Variants in PANK1 observed in about 807,000 individuals in gnomAD.
The protein encoded by PANK1 is pantothenate kinase 1.
Under a neutral mutation model 40.1 loss-of-function variants are expected in PANK1, and 18 were observed. The ratio of observed to expected loss-of-function variants is 0.45; its 90% CI spans 0.31 to 0.67. PANK1 has a LOEUF of 0.67. PANK1 is among the 30% of genes least tolerant of loss of function. The pLI is 0.06. For synonymous variants in PANK1, 242 were observed against 237.7 expected, an observed-to-expected ratio of 1.02 and a Z score of -0.17; for missense variants, 457 against 599.6, an observed-to-expected ratio of 0.76 and a Z score of 2.48.
Position 89,618,647 on chromosome 10 carries a change from C to T in PANK1, c.293-6599G>A, listed in dbSNP as rs949605177. Among the ~76,000 whole-genome samples, 44 of 152,142 alleles carry T rather than the reference C, an allele frequency of 2.9e-4. 1 individual carries two copies. Among genetic ancestry groups the T allele is most frequent in the Admixed American group, 1.3e-4 (2 of 15,278 alleles). On this transcript the variant is annotated intron_variant, in intron 1 of 6. Transcript: ENST00000307534. ...CATGGGGTCAGAATGCAACTCTTGG[C>T]CATTTTATACTTGAGCTGGGCAATG...
chr10:89,612,700 T>C (rs1231640202), intron 1 of PANK1, among the ~76,000 whole-genome samples: 1 of 152,228 alleles, frequency 6.6e-6, no homozygotes, highest in Admixed American at 6.5e-5. Flanking sequence ...ACAACTCGCA[T>C]TATATCTAAT....
chr10:89,616,120 C>T (rs1845307483), intron 1 of PANK1, among the ~76,000 whole-genome samples: 1 of 152,160 alleles, frequency 6.6e-6, no homozygotes, highest in Non-Finnish European at 1.5e-5. Context: ...CAACGTACAG[C>T]AGGAAACCAG....
At chr10:89,632,297 C>G (rs1841676214) in intron 1 of PANK1, among the ~76,000 whole-genome samples, 1 of 152,090 alleles carries the variant, frequency 6.6e-6, no homozygotes, top group Non-Finnish European at 1.5e-5. Context: ...TTTTGCCACA[C>G]AGATCCTGCT....
intron 1 of PANK1, among the ~76,000 whole-genome samples, chr10:89,629,757 A>G (rs1262602211): frequency 6.6e-6 from 1 of 152,200 alleles, no homozygotes; most frequent in African/African-American, 2.4e-5. Context: ...TGGATTACAC[A>G]ATTTGAAGAA....
intron 2 of PANK1, among the ~76,000 whole-genome samples, chr10:89,609,179 C>T (rs1845076085): frequency 1.3e-5 from 2 of 152,324 alleles, no homozygotes; most frequent in African/African-American, 4.8e-5. Context: ...GTTCTCGTGC[C>T]TCAGCCTCCT....
Position 89,644,607 on chromosome 10 carries a change from G to A in PANK1, c.285C>T (p.Asn95=), listed in dbSNP as rs758152377. The A allele has an allele frequency of 6.3e-7, 1 of 1,589,964 alleles. No individual in the cohort carries two copies. The highest frequency in any genetic ancestry group is 8.5e-7 in the Non-Finnish European group (1 of 1,173,078). ...CCTCCCAGCGGGACTTACGCGGCCT[G>A]TTCTTTCTCCCCGAGTCCATCCTCC... The part of the protein sequence containing the change: ...LRRRMDSGRK[N]RPPFPWFGMD... Residue 95 remains asparagine, a synonymous_variant, in exon 1 of 7, where the codon AAC becomes AAT. Coordinates refer to ENST00000307534, the MANE Select transcript of PANK1 (RefSeq NM_148977.3).
chr10:89,600,281 T>A (rs1844736153), intron 2 of PANK1, among the ~76,000 whole-genome samples: 2 of 152,282 alleles, frequency 1.3e-5, no homozygotes, highest in South Asian at 4.2e-4. Context: ...AATGCTATAC[T>A]TCCTTGGTAG....
intron 1 of PANK1, 104 bp from the exon 2 acceptor site, chr10:89,612,152 T>A: frequency 1.1e-6 from 1 of 900,972 alleles, no homozygotes; most frequent in Admixed American, 2.7e-5. Flanking sequence ...TATCTACATG[T>A]GCATTTAACA....
In PANK1 at chr10:89,599,742, A is replaced by G. The variant is rs542528038; in HGVS notation, c.646-237T>C. 3.3e-5 allele frequency among the ~76,000 whole-genome samples: 5 copies of G among 152,324 alleles called. No individual in the cohort carries two copies. In the East Asian group the frequency reaches 9.6e-4, roughly 29 times the overall value. ...ACAAGAGCTTGCCTGATTGTTTGAA[A>G]TGCACCCATCAGCGTGTGTTGTGGG... is the stretch of plus-strand genomic sequence containing the variant. On this transcript the variant is annotated intron_variant, in intron 2 of 6. Transcript: ENST00000307534.
intron 1 of PANK1, among the ~76,000 whole-genome samples, chr10:89,627,755 G>T (rs1246682329): frequency 6.6e-6 from 1 of 152,176 alleles, no homozygotes; most frequent in Admixed American, 6.5e-5. Context: ...GTAGCTCTAT[G>T]TAGGGCACCC....
At chr10:89,631,577 T>C (rs1458182298) in intron 1 of PANK1, among the ~76,000 whole-genome samples, 1 of 152,216 alleles carries the variant, frequency 6.6e-6, no homozygotes, top group Non-Finnish European at 1.5e-5. Flanking sequence ...GGGGTGGAAT[T>C]CTTTTAATAC....
At chr10:89,591,319 ACTTCCTTGTGTATC>A (rs1480884940) in intron 5 of PANK1, among the ~76,000 whole-genome samples, 4 of 152,208 alleles carry the variant, frequency 2.6e-5, no homozygotes, top group Non-Finnish European at 5.9e-5. Flanking sequence ...ATGGTGACTC[ACTTCCTTGTGTATC>A]CTTCTAATGT....
intron 2 of PANK1, among the ~76,000 whole-genome samples, chr10:89,603,170 A>G (rs544336738): frequency 6.6e-6 from 1 of 152,324 alleles, no homozygotes; most frequent in South Asian, 2.1e-4. Flanking sequence ...TGAAACTAAA[A>G]GCCCTAGTTT....
Position 89,596,670 on chromosome 10 carries a change from A to G in PANK1, c.899+2582T>C, listed in dbSNP as rs114157305. Among the ~76,000 whole-genome samples, 434 of 152,366 alleles carry G rather than the reference A, an allele frequency of 2.8e-3. 3 individuals carry two copies. Among genetic ancestry groups the G allele is most frequent in the South Asian group, 0.012 (58 of 4,822 alleles). On this transcript the variant is annotated intron_variant, in intron 3 of 6. Coordinates refer to ENST00000307534, the MANE Select transcript of PANK1 (RefSeq NM_148977.3). ...GGCATACAGTAAAAACTCTCAGTAT[A>G]TCAGAGAGAAAAACAATGCAAGAAA...
downstream of PANK1, chr10:89,582,952 A>G (rs1282559775): frequency 6.6e-6 from 1 of 152,226 alleles, no homozygotes; most frequent in Non-Finnish European, 1.5e-5. Flanking sequence ...TAAACATGAG[A>G]ATTAAGAAAT....
rs1196511231 is a variant in PANK1 at position 89,644,943 on chromosome 10, G to A, written c.-52C>T. The A allele has an allele frequency of 6.4e-7, 1 of 1,570,056 alleles. No individual in the cohort carries two copies. The highest frequency in any genetic ancestry group is 1.2e-5 in the South Asian group (1 of 86,258). ...GGCCCCGGCTCAGGCGGCCTCGCTG[G>A]AGGTCATTCTCCGGCGTCTTTATTT... On this transcript the variant is annotated 5_prime_UTR_variant, in exon 1 of 7. Transcript: ENST00000307534.
intron 5 of PANK1, among the ~76,000 whole-genome samples, chr10:89,590,336 T>C (rs1174758784): frequency 6.6e-6 from 1 of 152,024 alleles, no homozygotes; most frequent in South Asian, 2.1e-4. Flanking sequence ...AATGAGTAAA[T>C]AATATTAATA....
chr10:89,597,068 A>G lies in PANK1; in HGVS notation c.899+2184T>C, dbSNP rs573845267. ...CTGACATCCTGTGTAGCTTCTTAAAAATAAACATCTTTAATGTTTAATGGG... is the reference window on the plus strand; with the variant it reads ...CTGACATCCTGTGTAGCTTCTTAAAGATAAACATCTTTAATGTTTAATGGG... On this transcript the variant is annotated intron_variant, in intron 3 of 6. Coordinates refer to ENST00000307534, the MANE Select transcript of PANK1 (RefSeq NM_148977.3). 1.4e-4 allele frequency among the ~76,000 whole-genome samples: 21 copies of G among 152,346 alleles called. No homozygotes were observed. In the South Asian group the frequency reaches 4.4e-3, roughly 32 times the overall value.
At chr10:89,640,237 C>A (rs1483419702) in intron 1 of PANK1, among the ~76,000 whole-genome samples, 1 of 152,164 alleles carries the variant, frequency 6.6e-6, no homozygotes, top group South Asian at 2.1e-4. Flanking sequence ...CTGGGTAAAT[C>A]GAAGCTACTG....
Sources: gnomAD v4.1 joint callset for allele counts (sites outside exome capture counted in the v4.1 genomes callset) on GRCh38, gnomAD v4.1.1 for gene constraint, MANE v1.5 for transcripts, NCBI Gene and HGNC (gene_info 2026-07-23, HGNC 2026-07-21) for gene names.